ATP10A: variants seen among roughly 807,000 people sequenced by gnomAD.
ATP10A encodes the protein ATPase phospholipid transporting 10A (putative), also known as phospholipid-transporting ATPase VA.
ATP10A carries 111 observed loss-of-function variants against 147.8 expected under a neutral mutation model. The observed-to-expected ratio is 0.75, with a 90% confidence interval of 0.64 to 0.88. The LOEUF is 0.88. ATP10A is among the 40% of genes least tolerant of loss of function. The pLI is 0.00. For missense variants in ATP10A, 1,927 were observed against 1,959.0 expected, an observed-to-expected ratio of 0.98 and a Z score of 0.31; for synonymous variants, 875 against 841.6, an observed-to-expected ratio of 1.04 and a Z score of -0.69.
chr15:25,744,087 A>G (rs1227840950), intron 2 of ATP10A, among the ~76,000 whole-genome samples: 1 of 152,148 alleles, frequency 6.6e-6, no homozygotes, highest in Non-Finnish European at 1.5e-5. Flanking sequence ...GCAACCAGGA[A>G]GAACGGCATC....
At position 25,736,102 on chromosome 15, in the gene ATP10A, C is replaced by T. The variant is rs775218355; in HGVS notation, c.694G>A (p.Glu232Lys). 6.5e-5 allele frequency: 105 copies of T among 1,613,346 alleles called. No individual in the cohort carries two copies. Among genetic ancestry groups the T allele is most frequent in the Non-Finnish European group, 8.0e-5 (94 of 1,180,046 alleles). Reference protein sequence around the residue: ...FNPLTFTSVIECEKPNNDLSR... With the variant: ...FNPLTFTSVIKCEKPNNDLSR... ...AGGTCGTTGTTTGGCTTCTCGCATTCGATCACGCTGGTGAACGTCAAAGGA... is the reference window on the plus strand; with the variant it reads ...AGGTCGTTGTTTGGCTTCTCGCATTTGATCACGCTGGTGAACGTCAAAGGA... The change falls in exon 3 of 21, where the codon GAA (glutamate) becomes AAA (lysine). Residue 232 changes from glutamate to lysine, a missense_variant. Transcript: ENST00000555815.
chr15:25,810,199 G>A (rs1262170760), intron 1 of ATP10A, among the ~76,000 whole-genome samples: 1 of 152,112 alleles, frequency 6.6e-6, no homozygotes, highest in African/African-American at 2.4e-5. Flanking sequence ...CCATTCTCAT[G>A]CTCCTCATTT....
At chr15:25,813,476 C>A (rs1891517257) in intron 1 of ATP10A, among the ~76,000 whole-genome samples, 1 of 152,072 alleles carries the variant, frequency 6.6e-6, no homozygotes. Flanking sequence ...AGGTGAAATT[C>A]ACAATGTTAG....
intron 3 of ATP10A, 91 bp from the exon 4 acceptor site, chr15:25,727,357 A>T: frequency 1.7e-6 from 2 of 1,178,978 alleles, no homozygotes; most frequent in Non-Finnish European, 2.5e-6. Context: ...AGGCCCTGAC[A>T]CAATGAAAGC....
intron 1 of ATP10A, chr15:25,861,928 C>A: frequency 4.1e-6 from 1 of 243,052 alleles, no homozygotes; most frequent in South Asian, 4.3e-5. Flanking sequence ...CTCTAAAACT[C>A]AGGGAGGGAA....
At position 25,716,270 on chromosome 15, in the gene ATP10A, C is replaced by G. The variant is rs576727112; in HGVS notation, c.1776+460G>C. On this transcript the variant is annotated intron_variant, in intron 9 of 20. Transcript: ENST00000555815. ...CAAGCTCCTCGTCCCAGAAGCTGGG[C>G]CCCCGGCCTGTCTTGTCCTCTCTCC... Among the ~76,000 whole-genome samples, 6 of 152,318 alleles carry G rather than the reference C, an allele frequency of 3.9e-5. No individual in the cohort carries two copies. In the South Asian group the frequency reaches 1.2e-3, roughly 32 times the overall value.
chr15:25,820,618 T>C (rs1259011362), intron 1 of ATP10A, among the ~76,000 whole-genome samples: 1 of 152,188 alleles, frequency 6.6e-6, no homozygotes, highest in Non-Finnish European at 1.5e-5. Context: ...TTCGGCATAG[T>C]GTGCAAGATA....
chr15:25,841,282 T>C (rs1596985437), intron 1 of ATP10A, among the ~76,000 whole-genome samples: 1 of 97,128 alleles, frequency 1.0e-5, no homozygotes, highest in Non-Finnish European at 2.2e-5. Context: ...GTTTAGGGTT[T>C]TTTTTTTTTT....
intron 2 of ATP10A, among the ~76,000 whole-genome samples, chr15:25,746,669 T>G (rs368606083): frequency 6.6e-6 from 1 of 152,196 alleles, no homozygotes. Flanking sequence ...AAAAGAAAAT[T>G]ACTAAAAGTC....
chr15:25,780,319 G>A (rs1889851618), intron 2 of ATP10A, among the ~76,000 whole-genome samples: 1 of 152,390 alleles, frequency 6.6e-6, no homozygotes, highest in African/African-American at 2.4e-5. Flanking sequence ...GGGAGAAGGA[G>A]GCTTGGGAGG....
intron 5 of ATP10A, among the ~76,000 whole-genome samples, chr15:25,724,528 T>A (rs148230558): frequency 1.3e-3 from 192 of 152,338 alleles, no homozygotes; most frequent in African/African-American, 4.3e-3. Context: ...GAAGCCTTTT[T>A]CATGTCCTGT....
rs193067151 is a variant in ATP10A, at chr15:25,821,024, A to C, written c.450-39801T>G. On this transcript the variant is annotated intron_variant, in intron 1 of 20. Coordinates refer to ENST00000555815, the MANE Select transcript of ATP10A (RefSeq NM_024490.4). The stretch of plus-strand genomic sequence containing the variant: ...ACAGATAAAAATAAACATACATTAC[A>C]GTCATATCAATATATCCTATAAACT... Among the ~76,000 whole-genome samples, 285 of 152,370 alleles carry C rather than the reference A, an allele frequency of 1.9e-3. 2 individuals carry two copies. Among genetic ancestry groups the C allele is most frequent in the Non-Finnish European group, 2.9e-3 (196 of 68,040 alleles).
chr15:25,821,712 T>C (rs557880904), intron 1 of ATP10A, among the ~76,000 whole-genome samples: 94 of 152,296 alleles, frequency 6.2e-4, no homozygotes, highest in African/African-American at 2.1e-3. Flanking sequence ...AGCAGAAACA[T>C]TGTAGTCTTT....
At chr15:25,751,812 A>G (rs888508918) in intron 2 of ATP10A, among the ~76,000 whole-genome samples, 1 of 152,120 alleles carries the variant, frequency 6.6e-6, no homozygotes, top group Admixed American at 6.5e-5. Context: ...CAAAAACCCA[A>G]TAACAAGAAA....
At chr15:25,809,872 G>A (rs8040926) in intron 1 of ATP10A, among the ~76,000 whole-genome samples, 84,535 of 152,016 alleles carry the variant, frequency 0.56, 24,550 homozygotes, top group East Asian at 0.8. Flanking sequence ...ACCTTGGACC[G>A]CTGCTGCCTG....
At position 25,746,592 on chromosome 15, in the gene ATP10A, A is replaced by C. The variant is rs552720541; in HGVS notation, c.655-10451T>G. Among the ~76,000 whole-genome samples, 8 of 152,346 alleles carry C rather than the reference A, an allele frequency of 5.3e-5. No individual in the cohort carries two copies. The South Asian group carries it at 1.7e-3, about 32-fold the overall frequency. ...AGTACTGACCATATTCTGTGCCATA[A>C]GCAAGTATCAATCAATTTCAAAAAA... On this transcript the variant is annotated intron_variant, in intron 2 of 20. Transcript: ENST00000555815.
intron 1 of ATP10A, among the ~76,000 whole-genome samples, chr15:25,830,582 C>T (rs1027645056): frequency 6.6e-5 from 10 of 152,088 alleles, no homozygotes; most frequent in African/African-American, 9.6e-5. Context: ...CCTTTCTCTC[C>T]GGGGGGGTCC....
intron 1 of ATP10A, among the ~76,000 whole-genome samples, chr15:25,840,902 G>T (rs1444219633): frequency 6.6e-6 from 1 of 152,146 alleles, no homozygotes; most frequent in African/African-American, 2.4e-5. Flanking sequence ...TTGTAAAGAT[G>T]TTGAACATCT....
intron 3 of ATP10A, among the ~76,000 whole-genome samples, chr15:25,731,871 T>G (rs148795836): frequency 6.6e-6 from 1 of 152,296 alleles, no homozygotes; most frequent in Admixed American, 6.5e-5. Context: ...TTTTGTTTTG[T>G]TTCAGATAGG....
Sources: gnomAD v4.1 joint callset for allele counts (sites outside exome capture counted in the v4.1 genomes callset) on GRCh38, gnomAD v4.1.1 for gene constraint, MANE v1.5 for transcripts, NCBI Gene and HGNC (gene_info 2026-07-23, HGNC 2026-07-21) for gene names.